The following SERINC1 variants were observed in gnomAD, a reference collection of about 807,000 sequenced individuals.
The protein encoded by SERINC1 is serine incorporator 1, also known as tumor differentially expressed protein 2.
In SERINC1, 38 loss-of-function variants were observed where a neutral mutation model predicts 52.9. That is an observed-to-expected ratio of 0.72 (90% CI 0.55 to 0.94). The LOEUF is 0.94. Among genes scored for constraint, SERINC1 ranks in the 40% least tolerant of loss-of-function variants. The probability of loss-of-function intolerance (pLI) is 0.00; values close to 1 mark genes in which losing one functional copy is unlikely to be tolerated. For missense variants in SERINC1, 471 were observed against 533.9 expected, an observed-to-expected ratio of 0.88 and a Z score of 1.16; for synonymous variants, 198 against 183.1, an observed-to-expected ratio of 1.08 and a Z score of -0.66.
At chr6:122,447,814 C>G (rs1412240602) in intron 7 of SERINC1, among the ~76,000 whole-genome samples, 1 of 152,160 alleles carries the variant, frequency 6.6e-6, no homozygotes, top group African/African-American at 2.4e-5. Flanking sequence ...AAGTCTTATT[C>G]TTTTATAAAG....
At chr6:122,452,665 C>G (rs1362640698) in intron 5 of SERINC1, among the ~76,000 whole-genome samples, 1 of 152,060 alleles carries the variant, frequency 6.6e-6, no homozygotes, top group Non-Finnish European at 1.5e-5. Context: ...GTAGATTTGC[C>G]TCGCTGACAG....
intron 6 of SERINC1, 22 bp from the exon 7 acceptor site, chr6:122,451,776 A>AAAAAAAAAAATATATATATAT: frequency 3.5e-5 from 4 of 113,070 alleles, no homozygotes; most frequent in East Asian, 3.4e-4. Context: ...AAAAAAAAAA[A>AAAAAAAAAAATATATATATAT]ATATATATAT....
At chr6:122,466,509 T>A (rs1775195760) in intron 1 of SERINC1, among the ~76,000 whole-genome samples, 1 of 152,120 alleles carries the variant, frequency 6.6e-6, no homozygotes, top group African/African-American at 2.4e-5. Context: ...CACGCCTGGC[T>A]AATTTTTTTG....
chr6:122,457,022 T>C (rs1221465891), intron 2 of SERINC1, among the ~76,000 whole-genome samples: 1 of 152,084 alleles, frequency 6.6e-6, no homozygotes, highest in African/African-American at 2.4e-5. Context: ...CTATTATTCA[T>C]ATATATAAGA....
chr6:122,455,825 GAATA>G (rs906960744), intron 3 of SERINC1, among the ~76,000 whole-genome samples: 12 of 152,116 alleles, frequency 7.9e-5, no homozygotes, highest in East Asian at 1.9e-4. Context: ...CTGTATAAAT[GAATA>G]GTTTTTATAA....
chr6:122,445,883 C>CAACAAAAAAAAAA (rs775303717), intron 9 of SERINC1, among the ~76,000 whole-genome samples: 2 of 62,836 alleles, frequency 3.2e-5, no homozygotes, highest in Non-Finnish European at 5.6e-5. Flanking sequence ...GACTCCATTT[C>CAACAAAAAAAAAA]AAAAAAAAAA....
intron 9 of SERINC1, 41 bp downstream of exon 9, chr6:122,446,733 T>C (rs747154555): frequency 2.3e-6 from 3 of 1,314,718 alleles, no homozygotes; most frequent in South Asian, 1.2e-5. Flanking sequence ...TAAAATGCCA[T>C]CAGAATTCAC....
At chr6:122,467,107 A>T (rs1240180830) in intron 1 of SERINC1, among the ~76,000 whole-genome samples, 1 of 152,206 alleles carries the variant, frequency 6.6e-6, no homozygotes, top group African/African-American at 2.4e-5. Context: ...ATGAAGAAAA[A>T]AAGGGTTTCA....
chr6:122,452,777 T>C (rs1304637441), intron 5 of SERINC1, among the ~76,000 whole-genome samples: 1 of 152,168 alleles, frequency 6.6e-6, no homozygotes, highest in Non-Finnish European at 1.5e-5. Flanking sequence ...ACTTTGCATT[T>C]AGAGAACAAG....
chr6:122,448,057 G>A (rs561474566), intron 7 of SERINC1, among the ~76,000 whole-genome samples: 198 of 150,102 alleles, frequency 1.3e-3, no homozygotes, highest in African/African-American at 4.7e-3. Context: ...GCAGTGAGCC[G>A]AGATCATGCC....
At chr6:122,470,611 T>C (rs1041536145) in intron 1 of SERINC1, among the ~76,000 whole-genome samples, 1 of 152,186 alleles carries the variant, frequency 6.6e-6, no homozygotes, top group African/African-American at 2.4e-5. Flanking sequence ...AGAAATACCA[T>C]ATAATCAAAA....
At chr6:122,459,495 C>T (rs898408843) in intron 1 of SERINC1, among the ~76,000 whole-genome samples, 1 of 152,062 alleles carries the variant, frequency 6.6e-6, no homozygotes, top group Non-Finnish European at 1.5e-5. Context: ...ACTACACCAA[C>T]CAATATAAGG....
intron 5 of SERINC1, among the ~76,000 whole-genome samples, chr6:122,452,964 C>G (rs569210157): frequency 1.2e-4 from 18 of 152,230 alleles, no homozygotes; most frequent in African/African-American, 4.3e-4. Flanking sequence ...TTAGCTGAAA[C>G]TCAGTCATTT....
At chr6:122,448,433 T>C (rs1464210516) in intron 7 of SERINC1, among the ~76,000 whole-genome samples, 1 of 152,176 alleles carries the variant, frequency 6.6e-6, no homozygotes, top group Non-Finnish European at 1.5e-5. Context: ...TAACATCAGA[T>C]AAATTTTTTA....
At chr6:122,469,436 G>A (rs1376630021) in intron 1 of SERINC1, among the ~76,000 whole-genome samples, 1 of 151,494 alleles carries the variant, frequency 6.6e-6, no homozygotes, top group Non-Finnish European at 1.5e-5. Context: ...GAGTGCAGTG[G>A]CGCCATCTTG....
At position 122,471,780 on chromosome 6, in the gene SERINC1, ACAGCT is replaced by A; in HGVS notation, c.-48_-44del. On this transcript the variant is annotated 5_prime_UTR_variant, in exon 1 of 10. Coordinates refer to ENST00000339697, the MANE Select transcript of SERINC1 (RefSeq NM_020755.4). ...AGCAGCGGATACAGACAAGATGGAG[ACAGCT>A]TCTTTCTCGCCTTTCCGAGATTATT... 6.2e-7 allele frequency: 1 copy of A among 1,613,182 alleles called. No individual in the cohort carries two copies. Among genetic ancestry groups the A allele is most frequent in the Non-Finnish European group, 8.5e-7 (1 of 1,179,702 alleles).
At chr6:122,467,090 A>G (rs916801251) in intron 1 of SERINC1, among the ~76,000 whole-genome samples, 6 of 152,286 alleles carry the variant, frequency 3.9e-5, no homozygotes, top group African/African-American at 1.4e-4. Flanking sequence ...CCAAATGAAT[A>G]CAAGCAATGA....
chr6:122,449,305 C>A (rs1353805339), intron 7 of SERINC1, among the ~76,000 whole-genome samples: 2 of 152,198 alleles, frequency 1.3e-5, no homozygotes, highest in Non-Finnish European at 2.9e-5. Flanking sequence ...AAAAGCTAGG[C>A]CTTCTGTTCC....
At chr6:122,457,475 T>C (rs1267177593) in intron 2 of SERINC1, among the ~76,000 whole-genome samples, 1 of 152,170 alleles carries the variant, frequency 6.6e-6, no homozygotes, top group Admixed American at 6.5e-5. Flanking sequence ...CGTGTTTGTG[T>C]CTACCCAAAA....
Sources: gnomAD v4.1 joint callset for allele counts (sites outside exome capture counted in the v4.1 genomes callset) on GRCh38, gnomAD v4.1.1 for gene constraint, MANE v1.5 for transcripts, NCBI Gene and HGNC (gene_info 2026-07-23, HGNC 2026-07-21) for gene names.